FGF12: variants seen among roughly 807,000 people sequenced by gnomAD.
FGF12 encodes fibroblast growth factor 12B.
In FGF12, 14 loss-of-function variants were observed where a neutral mutation model predicts 23.6. The observed-to-expected ratio is 0.59, with a 90% confidence interval of 0.39 to 0.93. FGF12 has a LOEUF of 0.93. Ranked by LOEUF, FGF12 falls within the 40% of genes least tolerant of loss-of-function variation. The probability of loss-of-function intolerance (pLI) is 0.00; values close to 1 mark genes in which losing one functional copy is unlikely to be tolerated. For missense variants in FGF12, 175 were observed against 217.8 expected (o/e 0.80, Z 1.24); for synonymous variants, 62 against 77.3 (o/e 0.80, Z 1.04).
intron 4 of FGF12, among the ~76,000 whole-genome samples, chr3:192,192,266 G>A (rs1014992028): frequency 1.3e-5 from 2 of 151,782 alleles, no homozygotes; most frequent in Non-Finnish European, 2.9e-5. Flanking sequence ...TGTTGATTAT[G>A]GACTTTTTGG....
intron 4 of FGF12, among the ~76,000 whole-genome samples, chr3:192,271,556 G>A (rs1025762027): frequency 1.3e-5 from 2 of 152,056 alleles, no homozygotes; most frequent in East Asian, 1.9e-4. Context: ...CCACCTACCT[G>A]CCTATCTCTA....
chr3:192,531,370 C>G (rs1006345135), intron 2 of FGF12, among the ~76,000 whole-genome samples: 4 of 152,066 alleles, frequency 2.6e-5, no homozygotes, highest in African/African-American at 9.7e-5. Flanking sequence ...ATTTCATTTT[C>G]CCCATTTGCA....
rs545384426 is a variant in FGF12 at position 192,687,119 on chromosome 3, G to A, written c.13+40062C>T. On this transcript the variant is annotated intron_variant, in intron 2 of 5. Transcript: ENST00000445105. ...GCTGGGATTACAGGTGTGAGTCACC[G>A]TGCCCAGCCCTCTGATTTATTTTTA... 1.2e-3 allele frequency among the ~76,000 whole-genome samples: 173 copies of A among 149,310 alleles called. 1 individual carries two copies. The highest frequency in any genetic ancestry group is 4.1e-3 in the African/African-American group (164 of 40,466).
chr3:192,364,577 G>A (rs1718886726), intron 2 of FGF12, among the ~76,000 whole-genome samples: 1 of 152,018 alleles, frequency 6.6e-6, no homozygotes, highest in Non-Finnish European at 1.5e-5. Context: ...GAAGTGATGT[G>A]TGCCATTTTC....
intron 2 of FGF12, among the ~76,000 whole-genome samples, chr3:192,424,725 C>T (rs891205544): frequency 6.6e-6 from 1 of 151,964 alleles, no homozygotes; most frequent in Non-Finnish European, 1.5e-5. Context: ...CTATAAACAA[C>T]GTTTATTCTT....
At chr3:192,213,229 C>G (rs1718024964) in intron 4 of FGF12, among the ~76,000 whole-genome samples, 1 of 152,218 alleles carries the variant, frequency 6.6e-6, no homozygotes, top group Non-Finnish European at 1.5e-5. Context: ...AGAGCATCTG[C>G]CTATTTCTAA....
chr3:192,507,307 T>G (rs2108837241), intron 2 of FGF12, among the ~76,000 whole-genome samples: 1 of 149,530 alleles, frequency 6.7e-6, no homozygotes, highest in South Asian at 2.1e-4. Flanking sequence ...ATACTGCCAT[T>G]AGCAATTTTT....
chr3:192,505,885 G>A (rs978681554), intron 2 of FGF12, among the ~76,000 whole-genome samples: 30 of 152,224 alleles, frequency 2.0e-4, no homozygotes, highest in African/African-American at 3.1e-4. Context: ...CACGAACTTC[G>A]AAGGAGGAGG....
Position 192,335,471 on chromosome 3 carries a change from G to C in FGF12, c.125-7C>G. 1 of 1,591,228 alleles carries C rather than the reference G, an allele frequency of 6.3e-7. No homozygotes were observed. On this transcript the variant is annotated splice_polypyrimidine_tract_variant and splice_region_variant and intron_variant, in intron 3 of 5. Transcript: ENST00000445105. The stretch of plus-strand genomic sequence containing the variant: ...GGAATTAGATTGAAGAGAGCTGGGG[G>C]GAGAAAAAGAAGGGCGGAAAGGATC...
At position 192,158,383 on chromosome 3, in the gene FGF12, T is replaced by TC. The variant is rs1553844143; in HGVS notation, c.427+12074_427+12075insG. ...CTTTCTTTCTTTCTTTCTTTCTTTC[T>TC]TTTCTTTCTCTCTCTTTCTTTTTCT... is the stretch of plus-strand genomic sequence containing the variant. On this transcript the variant is annotated intron_variant, in intron 5 of 5. Coordinates refer to ENST00000445105, the MANE Select transcript of FGF12 (RefSeq NM_004113.6). 3.6e-3 allele frequency among the ~76,000 whole-genome samples: 313 copies of TC among 85,882 alleles called. 6 individuals are homozygous for TC. Among genetic ancestry groups the TC allele is most frequent in the African/African-American group, 0.02 (305 of 15,554 alleles). 56.3% of individuals were successfully genotyped at this position (85,882 alleles called of 152,430 possible).
chr3:192,491,133 C>A (rs977396919), intron 2 of FGF12, among the ~76,000 whole-genome samples: 11 of 152,120 alleles, frequency 7.2e-5, no homozygotes, highest in African/African-American at 2.7e-4. Context: ...GTTCCTTCTT[C>A]ACTTCTATTT....
intron 4 of FGF12, among the ~76,000 whole-genome samples, chr3:192,243,384 G>A (rs1719719580): frequency 6.6e-6 from 1 of 151,878 alleles, no homozygotes; most frequent in Non-Finnish European, 1.5e-5. Flanking sequence ...ATTGGCACAT[G>A]AATAAACAGT....
At chr3:192,644,652 T>C (rs866878296) in intron 2 of FGF12, among the ~76,000 whole-genome samples, 1 of 152,188 alleles carries the variant, frequency 6.6e-6, no homozygotes, top group Non-Finnish European at 1.5e-5. Context: ...ATAGGCTCTT[T>C]ACACACATCT....
chr3:192,667,795 C>A (rs184205937), intron 2 of FGF12, among the ~76,000 whole-genome samples: 1 of 151,672 alleles, frequency 6.6e-6, no homozygotes, highest in Admixed American at 6.6e-5. Flanking sequence ...GGCGAGAGGT[C>A]AGAAAGAGTG....
intron 2 of FGF12, among the ~76,000 whole-genome samples, chr3:192,511,117 C>T (rs1276621721): frequency 3.9e-5 from 6 of 152,020 alleles, no homozygotes; most frequent in Admixed American, 3.9e-4. Flanking sequence ...GCCTGAGAAG[C>T]CCCTGAGTAA....
rs540285694 is a variant in FGF12 at position 192,247,381 on chromosome 3, T to A, written c.229-76725A>T. 2.0e-4 allele frequency among the ~76,000 whole-genome samples: 30 copies of A among 152,284 alleles called. No homozygotes were observed. The South Asian group carries it at 6.2e-3, about 32-fold the overall frequency. Reference sequence around the variant, plus strand: ...TGGCTAAAAAAACATTCATTCAGTTTCTACTAGCTTAAAGGTCACTGTATT... The same window carrying A: ...TGGCTAAAAAAACATTCATTCAGTTACTACTAGCTTAAAGGTCACTGTATT... On this transcript the variant is annotated intron_variant, in intron 4 of 5. Transcript: ENST00000445105.
intron 2 of FGF12, among the ~76,000 whole-genome samples, chr3:192,699,629 C>T (rs1718232128): frequency 6.6e-6 from 1 of 152,172 alleles, no homozygotes; most frequent in Non-Finnish European, 1.5e-5. Flanking sequence ...ACAAAATAAG[C>T]CATCACCTGC....
intron 2 of FGF12, among the ~76,000 whole-genome samples, chr3:192,546,416 AG>A (rs749373008): frequency 2.6e-4 from 40 of 151,898 alleles, no homozygotes; most frequent in Admixed American, 9.8e-4. Flanking sequence ...TCATAAATTA[AG>A]GAGAAATTTA....
At chr3:192,581,612 G>A (rs1014739643) in intron 2 of FGF12, among the ~76,000 whole-genome samples, 1 of 151,724 alleles carries the variant, frequency 6.6e-6, no homozygotes, top group South Asian at 2.1e-4. Context: ...GAGGTCAAGT[G>A]TTCTCTTTCC....
Sources: allele counts gnomAD v4.1 joint callset (sites outside exome capture counted in the v4.1 genomes callset), GRCh38; gene constraint gnomAD v4.1.1; transcripts MANE v1.5; gene names NCBI Gene and HGNC (gene_info 2026-07-23, HGNC 2026-07-21).